The following HFM1 variants were observed in gnomAD, a reference collection of about 807,000 sequenced individuals.
HFM1 encodes probable ATP-dependent DNA helicase HFM1.
HFM1 carries 169 observed loss-of-function variants against 192.1 expected under a neutral mutation model. The ratio of observed to expected loss-of-function variants is 0.88; its 90% CI spans 0.78 to 1.00. The LOEUF (loss-of-function observed/expected upper bound fraction) is 1.00. Among genes scored for constraint, HFM1 ranks in the 50% least tolerant of loss-of-function variants. The probability of loss-of-function intolerance (pLI) is 0.00; values close to 1 mark genes in which losing one functional copy is unlikely to be tolerated. For synonymous variants in HFM1, 525 were observed against 537.8 expected (o/e 0.98, Z 0.33); for missense variants, 1,661 against 1,668.0 (o/e 1.00, Z 0.07).
chr1:91,262,881 A>G (rs1665299382), intron 36 of HFM1, among the ~76,000 whole-genome samples: 1 of 152,170 alleles, frequency 6.6e-6, no homozygotes, highest in African/African-American at 2.4e-5. Context: ...TGTCTATTAC[A>G]TAGAACCCTA....
chr1:91,289,512 G>A (rs1205527379), intron 30 of HFM1, among the ~76,000 whole-genome samples: 1 of 152,138 alleles, frequency 6.6e-6, no homozygotes, highest in Non-Finnish European at 1.5e-5. Context: ...AAGGCAGGCG[G>A]CTGGGAGGTG....
intron 20 of HFM1, chr1:91,328,299 C>A: frequency 8.0e-7 from 1 of 1,248,506 alleles, no homozygotes; most frequent in Non-Finnish European, 1.1e-6. Flanking sequence ...CTTAGGACCG[C>A]CTGCCCAGGG....
intron 13 of HFM1, among the ~76,000 whole-genome samples, chr1:91,365,308 T>C (rs1280357128): frequency 1.3e-5 from 2 of 152,078 alleles, no homozygotes; most frequent in African/African-American, 4.8e-5. Flanking sequence ...AAGACTATAG[T>C]TAATAAAAAT....
At position 91,326,562 on chromosome 1, in the gene HFM1, A is replaced by G. The variant is rs561577977; in HGVS notation, c.2336-1796T>C. ...GAGAAATAAAGAGCTTCCTAGACAA[A>G]CAAAAGCTGAGGGATTTCATCAACA... On this transcript the variant is annotated intron_variant, in intron 20 of 38. Transcript: ENST00000370425. Among the ~76,000 whole-genome samples, 4 of 152,344 alleles carry G rather than the reference A, an allele frequency of 2.6e-5. No individual in the cohort carries two copies. The South Asian group carries it at 8.3e-4, about 32-fold the overall frequency.
At chr1:91,284,959 G>T (rs571699835) in intron 30 of HFM1, among the ~76,000 whole-genome samples, 1 of 152,204 alleles carries the variant, frequency 6.6e-6, no homozygotes, top group Non-Finnish European at 1.5e-5. Context: ...GAGAGACCTG[G>T]GGGAGATAAT....
chr1:91,265,881 C>T, intron 36 of HFM1, 136 bp downstream of exon 36: 2 of 1,192,030 alleles, frequency 1.7e-6, no homozygotes, highest in Admixed American at 3.5e-5. Context: ...AGAAATACAC[C>T]TCTAAGATTA....
chr1:91,396,145 A>G, intron 3 of HFM1, 148 bp downstream of exon 3: 1 of 436,870 alleles, frequency 2.3e-6, no homozygotes, highest in Non-Finnish European at 4.2e-6. Context: ...TGAAATCAAT[A>G]CCCAATATGA....
At position 91,379,027 on chromosome 1, in the gene HFM1, A is replaced by T; in HGVS notation, c.1158+36T>A. On this transcript the variant is annotated intron_variant, in intron 9 of 38. Coordinates refer to ENST00000370425, the MANE Select transcript of HFM1 (RefSeq NM_001017975.6). ...TAAAGAAAAATAGGTATTTTCTAAC[A>T]AACTAAAGAAATCATAAAGTATAAA... is the stretch of plus-strand genomic sequence containing the variant. 2.2e-6 allele frequency: 3 copies of T among 1,339,318 alleles called. No homozygotes were observed. The South Asian group carries it at 4.8e-5, about 21-fold the overall frequency. 83.0% of individuals were successfully genotyped at this position (1,339,318 alleles called of 1,614,324 possible).
At chr1:91,278,727 A>G (rs1201228771) in intron 30 of HFM1, among the ~76,000 whole-genome samples, 2 of 152,104 alleles carry the variant, frequency 1.3e-5, no homozygotes, top group African/African-American at 4.8e-5. Context: ...TGGTCCTTAG[A>G]GCTGAACAGA....
Position 91,266,213 on chromosome 1 carries a change from A to T in HFM1, c.3884-106T>A, listed in dbSNP as rs560945246. 6 of 824,228 alleles carry T rather than the reference A, an allele frequency of 7.3e-6. No individual in the cohort carries two copies. In the African/African-American group the frequency reaches 1.1e-4, roughly 15 times the overall value. The allele number at this position is 824,228 out of a possible 1,614,324, so 51.1% of individuals were successfully genotyped here. On this transcript the variant is annotated intron_variant, in intron 35 of 38. Coordinates refer to ENST00000370425, the MANE Select transcript of HFM1 (RefSeq NM_001017975.6). The stretch of plus-strand genomic sequence containing the variant: ...TCCAACAGATATGATCTGATTAAGG[A>T]AGGAATGAATAATTCTCAGTAACCT...
At chr1:91,339,833 C>A (rs1051620180) in intron 20 of HFM1, among the ~76,000 whole-genome samples, 21 of 152,090 alleles carry the variant, frequency 1.4e-4, no homozygotes, top group African/African-American at 5.1e-4. Context: ...GAACAGCCAT[C>A]CCCCAAGACA....
At chr1:91,325,113 T>C (rs956162421) in intron 20 of HFM1, among the ~76,000 whole-genome samples, 5 of 152,146 alleles carry the variant, frequency 3.3e-5, no homozygotes, top group Non-Finnish European at 5.9e-5. Flanking sequence ...AGGGGGAGCC[T>C]ACTGCCCTGA....
chr1:91,294,866 A>G (rs1487821308), intron 30 of HFM1, among the ~76,000 whole-genome samples: 1 of 152,198 alleles, frequency 6.6e-6, no homozygotes. Context: ...ATATACCTAG[A>G]AGCAGAATTG....
intron 13 of HFM1, among the ~76,000 whole-genome samples, chr1:91,361,548 G>C (rs1168966281): frequency 6.6e-6 from 1 of 152,126 alleles, no homozygotes; most frequent in East Asian, 1.9e-4. Flanking sequence ...TTCTGGAATT[G>C]AGACAGTAAT....
In HFM1 at chr1:91,319,197, A is replaced by T. The variant is rs777557586; in HGVS notation, c.2693T>A (p.Phe898Tyr). ...AAACTTCTTTTCTTGAGCAGCTACAAAATCTGACAACCCTAAAAAAAAAGT... is the reference window on the plus strand; with the variant it reads ...AAACTTCTTTTCTTGAGCAGCTACATAATCTGACAACCCTAAAAAAAAAGT... The part of the protein sequence containing the change: ...GSRITRWLSD[F>Y]VAAQEKKFAV... The change falls in exon 25 of 39, where the codon TTT (phenylalanine) becomes TAT (tyrosine). Residue 898 changes from phenylalanine to tyrosine, a missense_variant. Physicochemically the swap from Phe to Tyr is conservative, Grantham distance 22. Coordinates refer to ENST00000370425, the MANE Select transcript of HFM1 (RefSeq NM_001017975.6). 7 of 1,606,480 alleles carry T rather than the reference A, an allele frequency of 4.4e-6. No individual in the cohort carries two copies. In the South Asian group the frequency reaches 7.9e-5, roughly 18 times the overall value.
intron 28 of HFM1, among the ~76,000 whole-genome samples, chr1:91,314,964 T>C (rs1650988814): frequency 6.6e-6 from 1 of 152,218 alleles, no homozygotes; most frequent in African/African-American, 2.4e-5. Flanking sequence ...TATCTTCCAG[T>C]ATACTGGCAC....
In HFM1 at chr1:91,367,294, C is replaced by T. The variant is rs185937325; in HGVS notation, c.1685+8064G>A. Among the ~76,000 whole-genome samples, 22 of 152,290 alleles carry T rather than the reference C, an allele frequency of 1.4e-4. No homozygotes were observed. The East Asian group carries it at 1.7e-3, about 12-fold the overall frequency. On this transcript the variant is annotated intron_variant, in intron 13 of 38. Coordinates refer to ENST00000370425, the MANE Select transcript of HFM1 (RefSeq NM_001017975.6). ...CAGCACGCAGCTTGAGATCTGAGAA[C>T]GGACAGACTACCTCCACAAGTGGGT...
At chr1:91,360,771 C>A (rs890989635) in intron 13 of HFM1, among the ~76,000 whole-genome samples, 4 of 152,126 alleles carry the variant, frequency 2.6e-5, no homozygotes, top group African/African-American at 9.7e-5. Flanking sequence ...GGCATGTACT[C>A]TAAAACTGAT....
At chr1:91,380,586 T>C (rs1661439777) in intron 7 of HFM1, among the ~76,000 whole-genome samples, 1 of 152,046 alleles carries the variant, frequency 6.6e-6, no homozygotes, top group Non-Finnish European at 1.5e-5. Context: ...AAACTCTGTC[T>C]CCACTACAAA....
Sources: gnomAD v4.1 joint callset for allele counts (sites outside exome capture counted in the v4.1 genomes callset) on GRCh38, gnomAD v4.1.1 for gene constraint, MANE v1.5 for transcripts, NCBI Gene and HGNC (gene_info 2026-07-23, HGNC 2026-07-21) for gene names.